CYTH3: variants seen among roughly 807,000 people sequenced by gnomAD.
CYTH3 encodes the protein cytohesin 3.
A neutral mutation model predicts 55.1 loss-of-function variants in CYTH3; 23 were observed. The observed-to-expected ratio is 0.42, with a 90% CI of 0.30 to 0.59. CYTH3 has a LOEUF of 0.59. Among genes scored for constraint, CYTH3 ranks in the 20% least tolerant of loss-of-function variants. The pLI, the probability that CYTH3 is intolerant of heterozygous loss-of-function variation, is 0.20. For synonymous variants in CYTH3, 249 were observed against 194.9 expected (o/e 1.28, Z -2.31); for missense variants, 413 against 524.8 (o/e 0.79, Z 2.08).
chr7:6,180,886 C>G (rs971698485), intron 4 of CYTH3, among the ~76,000 whole-genome samples: 2 of 152,166 alleles, frequency 1.3e-5, no homozygotes, highest in African/African-American at 4.8e-5. Context: ...ACCCAAGTGT[C>G]TGTCTTGTCA....
At chr7:6,214,504 T>C (rs960720167) in intron 1 of CYTH3, among the ~76,000 whole-genome samples, 1 of 152,178 alleles carries the variant, frequency 6.6e-6, no homozygotes, top group Non-Finnish European at 1.5e-5. Flanking sequence ...CATCTGGCTC[T>C]TCAAAACCAT....
chr7:6,190,578 A>T, intron 1 of CYTH3, 47 bp from the exon 2 acceptor site: 1 of 1,440,908 alleles, frequency 6.9e-7, no homozygotes, highest in Non-Finnish European at 9.2e-7. Flanking sequence ...ACACATTGGC[A>T]ACATCCAGCA....
chr7:6,201,265 G>A (rs1784053727), intron 1 of CYTH3, among the ~76,000 whole-genome samples: 2 of 152,200 alleles, frequency 1.3e-5, no homozygotes, highest in Non-Finnish European at 2.9e-5. Context: ...AGCAACAACG[G>A]AAAGGGCCAG....
At chr7:6,179,598 ACACAC>A (rs1200564012) in intron 4 of CYTH3, among the ~76,000 whole-genome samples, 13 of 94,842 alleles carry the variant, frequency 1.4e-4, no homozygotes, top group South Asian at 1.1e-3. Context: ...ACACACACAC[ACACAC>A]CACACACCAC....
chr7:6,215,963 G>T (rs1784415579), intron 1 of CYTH3, among the ~76,000 whole-genome samples: 1 of 152,174 alleles, frequency 6.6e-6, no homozygotes, highest in South Asian at 2.1e-4. Flanking sequence ...CTTTGGGAAT[G>T]AAAGGGAAAT....
intron 1 of CYTH3, among the ~76,000 whole-genome samples, chr7:6,206,902 G>A (rs1033184003): frequency 2.6e-5 from 4 of 151,964 alleles, no homozygotes; most frequent in African/African-American, 7.3e-5. Context: ...CGGGGGAGAC[G>A]ATTTTTTTCG....
chr7:6,271,576 T>TC (rs1431690559), intron 1 of CYTH3, among the ~76,000 whole-genome samples: 1 of 151,902 alleles, frequency 6.6e-6, no homozygotes, highest in African/African-American at 2.4e-5. Context: ...GAACACCCAC[T>TC]CCATACAGAG....
chr7:6,207,275 T>TA (rs1784214648), intron 1 of CYTH3, among the ~76,000 whole-genome samples: 1 of 151,822 alleles, frequency 6.6e-6, no homozygotes. Context: ...TCTGTATTTT[T>TA]AGTAGAGACA....
intron 1 of CYTH3, among the ~76,000 whole-genome samples, chr7:6,232,345 C>T (rs1353999055): frequency 1.3e-5 from 2 of 152,168 alleles, no homozygotes; most frequent in East Asian, 1.9e-4. Context: ...GACTGCTGGC[C>T]TTGGAGATGC....
chr7:6,239,833 G>T (rs539756340), intron 1 of CYTH3, among the ~76,000 whole-genome samples: 46 of 152,072 alleles, frequency 3.0e-4, no homozygotes, highest in African/African-American at 9.9e-4. Context: ...GTAAGTAGAA[G>T]GAAAACTAAC....
chr7:6,233,709 C>T (rs913747483), intron 1 of CYTH3, among the ~76,000 whole-genome samples: 8 of 151,958 alleles, frequency 5.3e-5, no homozygotes, highest in South Asian at 2.1e-4. Flanking sequence ...TCAGTCCCAG[C>T]GTCTACCCTG....
At chr7:6,172,639 G>C (rs1217592146) in intron 6 of CYTH3, 2 of 933,120 alleles carry the variant, frequency 2.1e-6, no homozygotes, top group East Asian at 2.1e-4. Flanking sequence ...GGAATTAATA[G>C]GAACCTCTCC....
At chr7:6,214,314 A>G (rs183067988) in intron 1 of CYTH3, among the ~76,000 whole-genome samples, 4 of 152,358 alleles carry the variant, frequency 2.6e-5, no homozygotes, top group Admixed American at 6.5e-5. Flanking sequence ...GTTGAAAAGT[A>G]TTTTGAAAAT....
chr7:6,187,875 A>T (rs1020528320), intron 2 of CYTH3, among the ~76,000 whole-genome samples, 154 bp from the exon 3 acceptor site: 5 of 152,158 alleles, frequency 3.3e-5, no homozygotes, highest in African/African-American at 4.8e-5. Flanking sequence ...ATACAGCTAG[A>T]GCTTCATAGT....
At chr7:6,175,975 G>A (rs2128539609) in intron 5 of CYTH3, among the ~76,000 whole-genome samples, 1 of 152,248 alleles carries the variant, frequency 6.6e-6, no homozygotes, top group South Asian at 2.1e-4. Flanking sequence ...GAAGTCAGCT[G>A]GGATTTCAAT....
chr7:6,235,798 G>T (rs977237741), intron 1 of CYTH3, among the ~76,000 whole-genome samples: 4 of 151,632 alleles, frequency 2.6e-5, no homozygotes, highest in African/African-American at 9.7e-5. Flanking sequence ...CTCAAATGTG[G>T]AGTTTTCTAT....
intron 1 of CYTH3, among the ~76,000 whole-genome samples, chr7:6,199,869 C>T (rs1199549472): frequency 2.0e-5 from 3 of 152,104 alleles, no homozygotes; most frequent in Non-Finnish European, 2.9e-5. Context: ...GGAAAGCACA[C>T]GTTATAAGCT....
intron 1 of CYTH3, among the ~76,000 whole-genome samples, chr7:6,255,134 T>A (rs1365143214): frequency 1.3e-5 from 2 of 152,072 alleles, no homozygotes; most frequent in Non-Finnish European, 2.9e-5. Context: ...TTCACTTCGG[T>A]TTTTTAACAG....
intron 2 of CYTH3, chr7:6,188,884 G>C (rs1783727065): frequency 1.3e-5 from 2 of 151,992 alleles, no homozygotes; most frequent in African/African-American, 4.8e-5. Context: ...AAGAATGAAG[G>C]GTAACCTTAG....
Sources: gnomAD v4.1 joint callset for allele counts (sites outside exome capture counted in the v4.1 genomes callset) on GRCh38, gnomAD v4.1.1 for gene constraint, MANE v1.5 for transcripts, NCBI Gene and HGNC (gene_info 2026-07-23, HGNC 2026-07-21) for gene names.